Variants in RC3H1 observed in about 807,000 individuals in gnomAD.
The protein encoded by RC3H1 is ring finger and CCCH-type domains 1, also known as roquin-1.
RC3H1 carries 50 observed loss-of-function variants against 138.2 expected under a neutral mutation model. The observed-to-expected ratio is 0.36, with a 90% confidence interval of 0.29 to 0.46. The LOEUF (loss-of-function observed/expected upper bound fraction) is 0.46. Among genes scored for constraint, RC3H1 ranks in the 20% least tolerant of loss-of-function variants. The pLI is 1.00. For synonymous variants in RC3H1, 462 were observed against 489.1 expected (o/e 0.94, Z 0.73); for missense variants, 1,031 against 1,388.1 (o/e 0.74, Z 4.09).
chr1:173,987,475 G>C (rs12086826), intron 2 of RC3H1, among the ~76,000 whole-genome samples: 43,988 of 152,054 alleles, frequency 0.29, 11,383 homozygotes, highest in African/African-American at 0.7. Context: ...CCATTACTCT[G>C]TGTATGTGTC....
intron 9 of RC3H1, among the ~76,000 whole-genome samples, chr1:173,969,137 C>T (rs546526334): frequency 1.3e-3 from 203 of 151,638 alleles, no homozygotes; most frequent in African/African-American, 4.6e-3. Flanking sequence ...GAGCCACCGG[C>T]GCCTGGCTGG....
chr1:174,021,332 A>C (rs957451660), intron 1 of RC3H1, among the ~76,000 whole-genome samples: 24 of 152,166 alleles, frequency 1.6e-4, no homozygotes, highest in Admixed American at 5.2e-4. Context: ...TTACTGTTCC[A>C]AAAGAGCCCT....
At chr1:174,007,573 C>G (rs1661678017) in intron 1 of RC3H1, among the ~76,000 whole-genome samples, 1 of 151,990 alleles carries the variant, frequency 6.6e-6, no homozygotes, top group Non-Finnish European at 1.5e-5. Flanking sequence ...AAACGACCCT[C>G]CCACCTCAGC....
Position 173,937,799 on chromosome 1 carries a change from A to G in RC3H1, c.*922T>C, listed in dbSNP as rs986814351. 1.3e-5 allele frequency: 2 copies of G among 152,204 alleles called. No individual in the cohort carries two copies. The highest frequency in any genetic ancestry group is 6.5e-5 in the Admixed American group (1 of 15,276). 9.4% of individuals were successfully genotyped at this position (152,204 alleles called of 1,614,324 possible). ...GATTGTCCTTGTTTTTTAGCATCCT[A>G]TGATGTCAGCAAAAGTTTAATTTGA... On this transcript the variant is annotated 3_prime_UTR_variant, in exon 20 of 20. Coordinates refer to ENST00000367696, the MANE Select transcript of RC3H1 (RefSeq NM_172071.4).
At chr1:173,988,097 T>G (rs1049277895) in intron 2 of RC3H1, among the ~76,000 whole-genome samples, 1 of 152,254 alleles carries the variant, frequency 6.6e-6, no homozygotes, top group Non-Finnish European at 1.5e-5. Context: ...TTGTTTCATA[T>G]ACTTCAGATT....
chr1:173,977,067 C>T (rs376926593), intron 7 of RC3H1, among the ~76,000 whole-genome samples: 4 of 151,984 alleles, frequency 2.6e-5, no homozygotes, highest in African/African-American at 7.3e-5. Flanking sequence ...GGACTACAGG[C>T]GCCCGCCACC....
chr1:173,992,815 G>T lies in RC3H1; in HGVS notation c.171C>A (p.Ile57=). 4 of 1,614,154 alleles carry T rather than the reference G, an allele frequency of 2.5e-6. No homozygotes were observed. The South Asian group carries it at 3.3e-5, about 13-fold the overall frequency. The change falls in exon 2 of 20, where the codon ATC becomes ATA. Residue 57 remains isoleucine, a synonymous_variant. Transcript: ENST00000367696. The part of the protein sequence containing the change: ...RKACPFDQTT[I]NTDIELLPVN... Reference sequence around the variant, plus strand: ...CAGGGAGGAGCTCAATGTCTGTATTGATAGTGGTCTGGTCAAATGGGCAAG... The same window carrying T: ...CAGGGAGGAGCTCAATGTCTGTATTTATAGTGGTCTGGTCAAATGGGCAAG...
chr1:173,977,392 GA>G (rs1390545533), intron 7 of RC3H1, among the ~76,000 whole-genome samples: 1 of 152,210 alleles, frequency 6.6e-6, no homozygotes, highest in Non-Finnish European at 1.5e-5. Context: ...CCCATTGTAT[GA>G]AACAGTATGT....
At chr1:173,994,808 A>AG (rs1462422107) in intron 1 of RC3H1, among the ~76,000 whole-genome samples, 1 of 151,764 alleles carries the variant, frequency 6.6e-6, no homozygotes, top group Non-Finnish European at 1.5e-5. Context: ...AAAAAAAAAA[A>AG]AAAAAAGAAA....
At position 173,964,940 on chromosome 1, in the gene RC3H1, T is replaced by C. The variant is rs768475179; in HGVS notation, c.1515A>G (p.Thr505=). ...GGTCTGTCCCTCGCGGAATAAGCTG[T>C]GTTACTGTATTCCCTGTTGATACAA... ...NGIVSTGNTV[T]QLIPRGTDPS... is the part of the protein sequence containing the mutation. Residue 505 remains threonine, a synonymous_variant, in exon 10 of 20, where the codon ACA becomes ACG. Coordinates refer to ENST00000367696, the MANE Select transcript of RC3H1 (RefSeq NM_172071.4). 2 of 1,614,086 alleles carry C rather than the reference T, an allele frequency of 1.2e-6. No homozygotes were observed. Among genetic ancestry groups the C allele is most frequent in the South Asian group, 1.1e-5 (1 of 91,076 alleles).
At chr1:174,002,534 G>A (rs1661581898) in intron 1 of RC3H1, among the ~76,000 whole-genome samples, 1 of 152,052 alleles carries the variant, frequency 6.6e-6, no homozygotes, top group African/African-American at 2.4e-5. Context: ...CTTTGTTCAG[G>A]AGCTGAAAGA....
intron 8 of RC3H1, among the ~76,000 whole-genome samples, chr1:173,972,131 C>T (rs1023177333): frequency 1.3e-5 from 2 of 151,988 alleles, no homozygotes; most frequent in East Asian, 1.9e-4. Context: ...AGTATTAGCA[C>T]TAAAAAGTGA....
intron 1 of RC3H1, among the ~76,000 whole-genome samples, chr1:174,004,794 A>G (rs60689957): frequency 1.6e-4 from 25 of 152,084 alleles, no homozygotes; most frequent in Non-Finnish European, 3.5e-4. Context: ...AAAAGAAAAA[A>G]GTCTATCGGG....
At chr1:173,990,015 C>T (rs1018418282) in intron 2 of RC3H1, among the ~76,000 whole-genome samples, 9 of 151,690 alleles carry the variant, frequency 5.9e-5, no homozygotes, top group East Asian at 5.8e-4. Flanking sequence ...CGTGAGCCAC[C>T]GCGCCCGGCC....
intron 19 of RC3H1, 78 bp downstream of exon 19, chr1:173,941,187 T>G: frequency 1.2e-6 from 1 of 824,204 alleles, no homozygotes; most frequent in Non-Finnish European, 2.1e-6. Context: ...TGAGGGTATT[T>G]CTGATATGAC....
chr1:174,017,941 T>C (rs1661893329), intron 1 of RC3H1, among the ~76,000 whole-genome samples: 1 of 152,082 alleles, frequency 6.6e-6, no homozygotes, highest in South Asian at 2.1e-4. Context: ...TAAAACATTG[T>C]TATGCCTGTA....
intron 1 of RC3H1, among the ~76,000 whole-genome samples, chr1:173,995,875 T>C (rs1661445186): frequency 6.6e-6 from 1 of 152,234 alleles, no homozygotes; most frequent in African/African-American, 2.4e-5. Context: ...ACAGATTGAT[T>C]ACAGTGATTG....
At chr1:173,980,402 G>A (rs1660766025) in intron 6 of RC3H1, among the ~76,000 whole-genome samples, 1 of 151,134 alleles carries the variant, frequency 6.6e-6, no homozygotes, top group Admixed American at 6.6e-5. Context: ...CTTTGTCTTT[G>A]TCTAAAATGG....
intron 11 of RC3H1, among the ~76,000 whole-genome samples, chr1:173,963,364 C>T (rs959219642): frequency 5.3e-5 from 8 of 151,966 alleles, no homozygotes; most frequent in Middle Eastern, 3.2e-3. Context: ...TCCCTTGAGT[C>T]TTTCAGTCAA....
Sources: allele counts gnomAD v4.1 joint callset (sites outside exome capture counted in the v4.1 genomes callset), GRCh38; gene constraint gnomAD v4.1.1; transcripts MANE v1.5; gene names NCBI Gene and HGNC (gene_info 2026-07-23, HGNC 2026-07-21).